Variants in TRPM5 observed in about 807,000 individuals in gnomAD.
The protein encoded by TRPM5 is transient receptor potential cation channel subfamily M member 5.
Under a neutral mutation model 124.9 loss-of-function variants are expected in TRPM5, and 121 were observed. That is an observed-to-expected ratio of 0.97 (90% CI 0.84 to 1.13). The LOEUF (loss-of-function observed/expected upper bound fraction) is 1.13, where lower values mean the gene tolerates loss of function less well. Among genes scored for constraint, TRPM5 ranks in the 50% most tolerant of loss-of-function variants. The pLI, the probability that TRPM5 is intolerant of heterozygous loss-of-function variation, is 0.00. For synonymous variants in TRPM5, 781 were observed against 700.5 expected (o/e 1.11, Z -1.81); for missense variants, 1,643 against 1,589.1 (o/e 1.03, Z -0.58).
intron 8 of TRPM5, 152 bp from the exon 14 acceptor site, chr11:2,415,623 G>GC: frequency 1.5e-6 from 1 of 655,152 alleles, no homozygotes; most frequent in Non-Finnish European, 2.6e-6. Flanking sequence ...ACCCCAGCCT[G>GC]CCCCCTGCAT....
the TRPM5 span, among the ~76,000 whole-genome samples, chr11:2,434,770 G>A: frequency 1.3e-5 from 2 of 152,216 alleles, no homozygotes; most frequent in East Asian, 3.9e-4. Flanking sequence ...GGCTCTGCAG[G>A]TGCAGCTGGA....
the TRPM5 span, among the ~76,000 whole-genome samples, chr11:2,429,054 G>A: frequency 1.3e-5 from 2 of 151,630 alleles, no homozygotes; most frequent in African/African-American, 4.9e-5. The surrounding 1 kb of genome is among the most constrained non-coding windows in gnomAD (Gnocchi z 8.4). Context: ...TGGTACTGGT[G>A]GTGGTGATGA....
chr11:2,422,302 C>A, exon 2 of TRPM5: 1 of 1,611,432 alleles, frequency 6.2e-7, no homozygotes, highest in Middle Eastern at 1.7e-4. Flanking sequence ...CGGGGCCACT[C>A]CGCTCGGCAC....
rs762790175 is a variant in TRPM5, at chr11:2,413,050, C to T, written c.2097-38G>A. On this transcript the variant is annotated intron_variant, in intron 14 of 23. Coordinates refer to ENST00000155858, the Ensembl canonical transcript of TRPM5. ...GAAGTTCGCAGTGGTGAGGCTGGCGCCCAGCCGGGTGCCCCACCAGAGTCC... is the reference window on the plus strand; with the variant it reads ...GAAGTTCGCAGTGGTGAGGCTGGCGTCCAGCCGGGTGCCCCACCAGAGTCC... 3.8e-6 allele frequency: 6 copies of T among 1,567,628 alleles called. No individual in the cohort carries two copies. The African/African-American group carries it at 8.1e-5, about 21-fold the overall frequency.
At chr11:2,415,964 G>A (rs765418200) in exon 8 of TRPM5, 1 of 1,581,596 alleles carries the variant, frequency 6.3e-7, no homozygotes. Context: ...GCGGTCCCAG[G>A]CCACGGCCAG....
the TRPM5 span, among the ~76,000 whole-genome samples, chr11:2,431,770 C>T: frequency 2.6e-5 from 4 of 152,176 alleles, no homozygotes; most frequent in Admixed American, 2.6e-4. Flanking sequence ...CACATCAGCA[C>T]AGGGTGCCTC....
chr11:2,421,783 T>C (rs1845775348), intron 2 of TRPM5, among the ~76,000 whole-genome samples: 1 of 151,716 alleles, frequency 6.6e-6, no homozygotes. Flanking sequence ...CCCAGGTGAG[T>C]GGGAGCAGGG....
At chr11:2,413,740 G>T (rs568086140) in intron 12 of TRPM5, 152 bp from the exon 18 acceptor site, 402 of 786,676 alleles carry the variant, frequency 5.1e-4, no homozygotes, top group Non-Finnish European at 7.4e-4. Context: ...GTCCTGGTGG[G>T]CATGTGCTCC....
At chr11:2,443,825 C>A in the TRPM5 span, among the ~76,000 whole-genome samples, 3 of 147,440 alleles carry the variant, frequency 2.0e-5, no homozygotes, top group East Asian at 2.0e-4. This position sits in a 1 kb window ranked among gnomAD's most constrained non-coding sequence, Gnocchi z 5.0. Flanking sequence ...TGCCCCCCAC[C>A]CCCCCCCCAA....
At position 2,418,344 on chromosome 11, in the gene TRPM5, G is replaced by A. The variant is rs769573056; in HGVS notation, c.729C>T (p.Ala243=). The A allele has an allele frequency of 1.2e-5, 19 of 1,553,434 alleles. 1 individual carries two copies. The highest frequency in any genetic ancestry group is 4.8e-5 in the East Asian group (2 of 41,724). ...TCAGCCACGGGGCAGCCTGCTCCACGGCCCTGGAGATCCTCTGAGACGGGG... is the reference window on the plus strand; with the variant it reads ...TCAGCCACGGGGCAGCCTGCTCCACAGCCCTGGAGATCCTCTGAGACGGGG... The change falls in exon 6 of 24, where the codon GCC becomes GCT. Residue 243 remains alanine (A), a synonymous_variant. Coordinates refer to ENST00000155858, the Ensembl canonical transcript of TRPM5.
chr11:2,405,004 G>A lies in TRPM5; in HGVS notation c.3431C>T (p.Ala1144Val), dbSNP rs752135794. ...GCCATCTAAACCACCTCTGTGGTCA[G>A]CAGCCACCAGCTGGCTTCCCTCGCC... Residue 1144 changes from alanine to valine, a missense_variant, in exon 24 of 24, where the codon GCT becomes GTT. By Grantham distance (64) the Ala-to-Val change is moderately conservative (BLOSUM62 0). Transcript: ENST00000155858. 6 of 1,612,676 alleles carry A rather than the reference G, an allele frequency of 3.7e-6. No homozygotes were observed. In the East Asian group the frequency reaches 6.7e-5, roughly 18 times the overall value.
At position 2,404,833 on chromosome 11, in the gene TRPM5, G is replaced by A. The variant is rs538355771; in HGVS notation, c.*104C>T. The A allele has an allele frequency of 2.9e-5, 26 of 898,178 alleles. No homozygotes were observed. The East Asian group carries it at 6.4e-4, about 22-fold the overall frequency. The allele number at this position is 898,178 out of a possible 1,614,324, so 55.6% of individuals were successfully genotyped here. On this transcript the variant is annotated 3_prime_UTR_variant, in exon 24 of 24. Coordinates refer to ENST00000155858, the Ensembl canonical transcript of TRPM5. The stretch of plus-strand genomic sequence containing the variant: ...GAGGGCCATTGTCTGCTGGGGGGCT[G>A]GTGCCCCCTGGGGGGTTCCGCTGGA...
the TRPM5 span, among the ~76,000 whole-genome samples, chr11:2,434,441 G>A: frequency 1.8e-4 from 27 of 149,464 alleles, 1 homozygote; most frequent in South Asian, 4.7e-3. Context: ...CTGTGTGTCC[G>A]GCTGTGTGTG....
At chr11:2,425,287 C>A (rs7102766), upstream of TRPM5, among the ~76,000 whole-genome samples, 1 of 152,174 alleles carries the variant, frequency 6.6e-6, no homozygotes, top group African/African-American at 2.4e-5. Flanking sequence ...CCGTGCTCCC[C>A]CTGGAAGCTC....
In TRPM5 at chr11:2,413,119, C is replaced by A. The variant is rs1393703838; in HGVS notation, c.2096+15G>T. 1 of 1,552,906 alleles carries A rather than the reference C, an allele frequency of 6.4e-7. No individual in the cohort carries two copies. Among genetic ancestry groups the A allele is most frequent in the East Asian group, 2.4e-5 (1 of 41,648 alleles). On this transcript the variant is annotated intron_variant, in intron 14 of 23. Transcript: ENST00000155858. ...CGCCAGTCCCCTCCACCCTGCCTGG[C>A]CCTGTGCCTCGCACCGGCTCTGCAG...
At position 2,421,003 on chromosome 11, in the gene TRPM5, G is replaced by A. The variant is rs1210043127; in HGVS notation, c.465+29C>T. The A allele has an allele frequency of 3.3e-6, 5 of 1,517,252 alleles. No homozygotes were observed. In the South Asian group the frequency reaches 3.7e-5, roughly 11 times the overall value. 94.0% of individuals were successfully genotyped at this position (1,517,252 alleles called of 1,614,324 possible). ...GAGCCCCTGCCTCCAGGCCCCCAGC[G>A]GTCGTGGTGCTGGGAGCTGGACGTG... On this transcript the variant is annotated intron_variant, in intron 3 of 23. Coordinates refer to ENST00000155858, the Ensembl canonical transcript of TRPM5.
At chr11:2,413,179 T>C in exon 14 of TRPM5, 1 of 1,552,584 alleles carries the variant, frequency 6.4e-7, no homozygotes. Context: ...GTCCAGGCTG[T>C]CCAGGTCCTG....
chr11:2,409,320 G>A lies in TRPM5; in HGVS notation c.2783-1408C>T, dbSNP rs890622817. On this transcript the variant is annotated intron_variant, in intron 18 of 23. Transcript: ENST00000155858. ...CTGCACTCTGGAGGAGCGGGCCGGG[G>A]CCAGCCTGGAGAGCCTGTTTGTGAA... Among the ~76,000 whole-genome samples the A allele has an allele frequency of 8.5e-5, 13 of 152,262 alleles. 1 individual carries two copies. The highest frequency in any genetic ancestry group is 4.6e-4 in the Admixed American group (7 of 15,292).
At chr11:2,433,196 G>A in the TRPM5 span, among the ~76,000 whole-genome samples, 5 of 152,258 alleles carry the variant, frequency 3.3e-5, no homozygotes, top group African/African-American at 1.2e-4. Context: ...AGGGGCCAGC[G>A]AGGCCAAATG....
Sources: gnomAD v4.1 joint callset for allele counts (sites outside exome capture counted in the v4.1 genomes callset) on GRCh38, gnomAD v4.1.1 for gene constraint, Gnocchi (gnomAD v3.1) non-coding constraint, MANE v1.5 for transcripts, NCBI Gene and HGNC (gene_info 2026-07-23, HGNC 2026-07-21) for gene names.